The following C1QTNF7 variants were observed in gnomAD, a reference collection of about 807,000 sequenced individuals.
The protein encoded by C1QTNF7 is complement C1q tumor necrosis factor-related protein 7.
A neutral mutation model predicts 19.6 loss-of-function variants in C1QTNF7; 15 were observed. That is an observed-to-expected ratio of 0.76 (90% CI 0.51 to 1.18). The LOEUF is 1.18. Ranked by LOEUF, C1QTNF7 falls within the 50% of genes most tolerant of loss-of-function variation. The pLI is 0.00. For missense variants in C1QTNF7, 324 were observed against 359.7 expected (o/e 0.90, Z 0.80); for synonymous variants, 142 against 137.5 (o/e 1.03, Z -0.23).
intron 1 of C1QTNF7, among the ~76,000 whole-genome samples, chr4:15,405,272 T>C (rs1719150672): frequency 6.6e-6 from 1 of 152,168 alleles, no homozygotes. Context: ...ACACTTGACA[T>C]TGCATCTGTG....
intron 1 of C1QTNF7, among the ~76,000 whole-genome samples, chr4:15,376,511 A>G (rs1717946030): frequency 6.6e-6 from 1 of 152,218 alleles, no homozygotes; most frequent in Admixed American, 6.5e-5. Flanking sequence ...CCCTTACAAT[A>G]AAATAGAGCT....
chr4:15,418,058 T>C (rs953628021), intron 1 of C1QTNF7, among the ~76,000 whole-genome samples: 7 of 152,202 alleles, frequency 4.6e-5, no homozygotes, highest in African/African-American at 1.7e-4. Context: ...TGAGCCCGCA[T>C]GGACAAGTGC....
At chr4:15,382,658 ACAGTTTGCAT>A (rs1718190455) in intron 1 of C1QTNF7, among the ~76,000 whole-genome samples, 1 of 152,180 alleles carries the variant, frequency 6.6e-6, no homozygotes, top group Admixed American at 6.5e-5. Flanking sequence ...CTATTGTAGT[ACAGTTTGCAT>A]CATATTGTTA....
intron 1 of C1QTNF7, among the ~76,000 whole-genome samples, chr4:15,379,655 A>T (rs1718070013): frequency 2.0e-5 from 3 of 152,152 alleles, no homozygotes; most frequent in Non-Finnish European, 4.4e-5. Context: ...ATGCAATACA[A>T]ATTCTATTTC....
chr4:15,375,272 G>A (rs1462723065), intron 1 of C1QTNF7, among the ~76,000 whole-genome samples: 1 of 152,100 alleles, frequency 6.6e-6, no homozygotes, highest in Non-Finnish European at 1.5e-5. Context: ...CCTTATAGTG[G>A]CATAAATTCT....
At chr4:15,349,072 A>C (rs1053780547) in intron 1 of C1QTNF7, among the ~76,000 whole-genome samples, 3 of 152,214 alleles carry the variant, frequency 2.0e-5, no homozygotes, top group African/African-American at 4.8e-5. Flanking sequence ...TGACACATAC[A>C]TAAAAGAATA....
At chr4:15,377,344 A>G (rs1560347608) in intron 1 of C1QTNF7, among the ~76,000 whole-genome samples, 1 of 152,152 alleles carries the variant, frequency 6.6e-6, no homozygotes, top group Non-Finnish European at 1.5e-5. Flanking sequence ...CTTTTGGCCC[A>G]TGTCATCTGA....
chr4:15,418,420 T>A (rs765076976), intron 1 of C1QTNF7, among the ~76,000 whole-genome samples: 1 of 152,160 alleles, frequency 6.6e-6, no homozygotes, highest in Non-Finnish European at 1.5e-5. Context: ...GTCTTATAAG[T>A]TCCAACCCAT....
chr4:15,438,928 C>T (rs1325080182), intron 2 of C1QTNF7, among the ~76,000 whole-genome samples: 2 of 151,922 alleles, frequency 1.3e-5, no homozygotes, highest in South Asian at 2.1e-4. Flanking sequence ...CATAGATCCA[C>T]GGATAGATGG....
At chr4:15,408,006 C>A (rs1448662416) in intron 1 of C1QTNF7, among the ~76,000 whole-genome samples, 1 of 152,132 alleles carries the variant, frequency 6.6e-6, no homozygotes, top group African/African-American at 2.4e-5. Flanking sequence ...TGGTGGCTCA[C>A]GCCTGTAATC....
intron 1 of C1QTNF7, among the ~76,000 whole-genome samples, chr4:15,411,869 G>A (rs1577266124): frequency 6.6e-6 from 1 of 152,146 alleles, no homozygotes; most frequent in East Asian, 1.9e-4. Flanking sequence ...TAGAGCAGGA[G>A]TCCCCAGTCC....
At chr4:15,405,052 G>T (rs1400773866) in intron 1 of C1QTNF7, among the ~76,000 whole-genome samples, 1 of 152,078 alleles carries the variant, frequency 6.6e-6, no homozygotes, top group Non-Finnish European at 1.5e-5. Flanking sequence ...TGCTTTAGTT[G>T]CATGCAACAG....
At chr4:15,432,181 G>C (rs1196368548) in intron 1 of C1QTNF7, among the ~76,000 whole-genome samples, 4 of 152,158 alleles carry the variant, frequency 2.6e-5, no homozygotes, top group African/African-American at 9.7e-5. Context: ...GATGAAGTCA[G>C]GGAAATAAGG....
intron 1 of C1QTNF7, among the ~76,000 whole-genome samples, chr4:15,365,193 T>C (rs947707365): frequency 5.9e-5 from 9 of 152,074 alleles, no homozygotes; most frequent in African/African-American, 2.2e-4. Flanking sequence ...AAATCTAGTA[T>C]ATTTCAAGGC....
At chr4:15,427,310 T>C (rs1712095476), upstream of C1QTNF7, among the ~76,000 whole-genome samples, 3 of 152,164 alleles carry the variant, frequency 2.0e-5, no homozygotes, top group South Asian at 6.2e-4. Context: ...ATATTGCTGT[T>C]GCCAAGGAAA....
chr4:15,429,875 T>C (rs1033356756), intron 1 of C1QTNF7, among the ~76,000 whole-genome samples: 2 of 152,178 alleles, frequency 1.3e-5, no homozygotes, highest in Non-Finnish European at 2.9e-5. Context: ...CGCTGCACCA[T>C]TTTACATTCC....
chr4:15,426,327 G>T (rs890349482), upstream of C1QTNF7, among the ~76,000 whole-genome samples: 7 of 152,126 alleles, frequency 4.6e-5, no homozygotes, highest in African/African-American at 1.7e-4. Context: ...GAAAATAACT[G>T]AGTGAAATAG....
intron 1 of C1QTNF7, among the ~76,000 whole-genome samples, chr4:15,400,189 T>C (rs1308798068): frequency 6.6e-6 from 1 of 152,248 alleles, no homozygotes; most frequent in Non-Finnish European, 1.5e-5. Flanking sequence ...ATGTCTTGGA[T>C]TGTACACACA....
rs1712908649 is a variant in C1QTNF7, at chr4:15,444,348, T to C, written c.*1549T>C. On this transcript the variant is annotated 3_prime_UTR_variant, in exon 3 of 3. Transcript: ENST00000444304. ...TTTTTAATTTAAAAGTAAATTTTAC[T>C]GTCGAAAATGCAAACTTGGGGAGGG... 6.6e-6 allele frequency: 1 copy of C among 152,322 alleles called. No individual in the cohort carries two copies. Among genetic ancestry groups the C allele is most frequent in the South Asian group, 2.1e-4 (1 of 4,822 alleles). The allele number at this position is 152,322 out of a possible 1,614,324, so 9.4% of individuals were successfully genotyped here. A position where few individuals can be genotyped will look rare whatever the true frequency, so the allele number is the denominator to read the frequency against.
Sources: gnomAD v4.1 joint callset for allele counts (sites outside exome capture counted in the v4.1 genomes callset) on GRCh38, gnomAD v4.1.1 for gene constraint, MANE v1.5 for transcripts, NCBI Gene and HGNC (gene_info 2026-07-23, HGNC 2026-07-21) for gene names.